Variants in DNAH8 observed in about 807,000 individuals in gnomAD.
The protein encoded by DNAH8 is dynein axonemal heavy chain 8.
Under a neutral mutation model 562.1 loss-of-function variants are expected in DNAH8, and 382 were observed. The observed-to-expected ratio is 0.68, with a 90% CI of 0.63 to 0.74. The LOEUF (loss-of-function observed/expected upper bound fraction) is 0.74, where lower values mean the gene tolerates loss of function less well. Among genes scored for constraint, DNAH8 ranks in the 30% least tolerant of loss-of-function variants. The pLI, the probability that DNAH8 is intolerant of heterozygous loss-of-function variation, is 0.00. For missense variants in DNAH8, 5,203 were observed against 5,620.4 expected, an observed-to-expected ratio of 0.93 and a Z score of 2.37; for synonymous variants, 1,881 against 1,919.4, an observed-to-expected ratio of 0.98 and a Z score of 0.52.
intron 42 of DNAH8, among the ~76,000 whole-genome samples, chr6:38,858,587 A>G (rs2150403131): frequency 6.6e-6 from 1 of 152,338 alleles, no homozygotes; most frequent in Non-Finnish European, 1.5e-5. Context: ...TGAAAAGAGC[A>G]GAATCTCCAG....
At chr6:38,743,309 G>A (rs982749468) in intron 8 of DNAH8, among the ~76,000 whole-genome samples, 2 of 152,038 alleles carry the variant, frequency 1.3e-5, no homozygotes, top group Admixed American at 1.3e-4. Flanking sequence ...TGCCCAAAAT[G>A]TTAATGTAGC....
intron 91 of DNAH8, among the ~76,000 whole-genome samples, chr6:39,020,777 T>C (rs1337045358): frequency 6.6e-6 from 1 of 152,172 alleles, no homozygotes; most frequent in Non-Finnish European, 1.5e-5. Flanking sequence ...TGTTTGGTTT[T>C]CTATTCCTGT....
intron 8 of DNAH8, among the ~76,000 whole-genome samples, chr6:38,746,454 T>C (rs1764936316): frequency 6.6e-6 from 1 of 152,206 alleles, no homozygotes; most frequent in South Asian, 2.1e-4. Flanking sequence ...GTTTATTTTA[T>C]TGGAGAGTAG....
chr6:38,827,133 C>T (rs1356580416), intron 29 of DNAH8, among the ~76,000 whole-genome samples: 1 of 152,046 alleles, frequency 6.6e-6, no homozygotes, highest in African/African-American at 2.4e-5. Context: ...ATCACTTCTA[C>T]CCCCATTTCT....
chr6:38,998,066 A>T (rs2150745577), intron 88 of DNAH8, among the ~76,000 whole-genome samples: 1 of 152,336 alleles, frequency 6.6e-6, no homozygotes, highest in Non-Finnish European at 1.5e-5. Flanking sequence ...CCATCACTTG[A>T]TGATAGGCTA....
chr6:38,902,527 GT>G (rs1399341632), intron 62 of DNAH8, among the ~76,000 whole-genome samples: 1 of 152,126 alleles, frequency 6.6e-6, no homozygotes, highest in African/African-American at 2.4e-5. Context: ...TCTTGCCCGT[GT>G]TTTCCCATCA....
At chr6:38,909,774 A>G (rs766611610) in intron 65 of DNAH8, 30 bp downstream of exon 65, 4 of 1,547,790 alleles carry the variant, frequency 2.6e-6, no homozygotes, top group Middle Eastern at 1.7e-4. Flanking sequence ...CACCATCGCT[A>G]TGGAACCACA....
chr6:38,921,169 ACC>A (rs1781675307), intron 70 of DNAH8, among the ~76,000 whole-genome samples, 198 bp from the exon 71 acceptor site: 1 of 152,182 alleles, frequency 6.6e-6, no homozygotes, highest in South Asian at 2.1e-4. Context: ...GGCATGAGCC[ACC>A]ACACCTGGCC....
chr6:38,913,978 G>A, intron 67 of DNAH8, 26 bp downstream of exon 67: 1 of 1,533,526 alleles, frequency 6.5e-7, no homozygotes, highest in Non-Finnish European at 9.0e-7. Context: ...TTTTATCACT[G>A]ATGAGGAATA....
Position 39,030,550 on chromosome 6 carries a change from TC to T in DNAH8, c.*160del. 1.7e-6 allele frequency: 1 copy of T among 595,264 alleles called. No homozygotes were observed. Among genetic ancestry groups the T allele is most frequent in the Non-Finnish European group, 2.9e-6 (1 of 342,750 alleles). The allele number at this position is 595,264 out of a possible 1,614,324, so 36.9% of individuals were successfully genotyped here. ...TAAAATTGCTAGTGCGTGTGTGTTT[TC>T]CTCACATATCAATATTCAAAAAGAT... On this transcript the variant is annotated 3_prime_UTR_variant, in exon 93 of 93. Transcript: ENST00000327475.
At chr6:38,877,208 G>A (rs773706213) in intron 53 of DNAH8, among the ~76,000 whole-genome samples, 14 of 152,142 alleles carry the variant, frequency 9.2e-5, no homozygotes, top group Non-Finnish European at 1.9e-4. Context: ...TTCATCAGCA[G>A]CAATTTTCCA....
chr6:39,018,224 G>A (rs1417332770), intron 91 of DNAH8, among the ~76,000 whole-genome samples: 2 of 152,154 alleles, frequency 1.3e-5, no homozygotes, highest in East Asian at 1.9e-4. Flanking sequence ...CACATCTCTT[G>A]TAATTCCAGT....
chr6:38,835,318 C>CAAAAA (rs35817690), intron 32 of DNAH8, among the ~76,000 whole-genome samples: 2 of 134,286 alleles, frequency 1.5e-5, no homozygotes, highest in Non-Finnish European at 1.6e-5. Flanking sequence ...TCTTAGTAAT[C>CAAAAA]AAAAAAAAAA....
intron 22 of DNAH8, among the ~76,000 whole-genome samples, chr6:38,804,989 AC>A (rs1771140651): frequency 6.6e-6 from 1 of 152,108 alleles, no homozygotes; most frequent in African/African-American, 2.4e-5. Context: ...TAAACATCCT[AC>A]AGGACAGCCC....
At chr6:38,885,996 A>G (rs1778890550) in intron 56 of DNAH8, among the ~76,000 whole-genome samples, 1 of 152,208 alleles carries the variant, frequency 6.6e-6, no homozygotes, top group Non-Finnish European at 1.5e-5. Context: ...TAATTGAAAG[A>G]CGGTTATATT....
intron 79 of DNAH8, among the ~76,000 whole-genome samples, chr6:38,943,135 A>G (rs921026070): frequency 6.6e-6 from 1 of 152,228 alleles, no homozygotes; most frequent in African/African-American, 2.4e-5. Context: ...GAGCCATCGA[A>G]TGTTTTATGA....
At chr6:38,814,942 G>A (rs991358240) in intron 25 of DNAH8, among the ~76,000 whole-genome samples, 5 of 152,118 alleles carry the variant, frequency 3.3e-5, no homozygotes, top group African/African-American at 7.2e-5. Context: ...TGCATTCTGC[G>A]ATGGGTCAAA....
chr6:39,018,792 G>A (rs972955573), intron 91 of DNAH8, among the ~76,000 whole-genome samples: 1 of 152,186 alleles, frequency 6.6e-6, no homozygotes, highest in African/African-American at 2.4e-5. Context: ...AGAGTAGTAA[G>A]TAAGTAGTGG....
In DNAH8 at chr6:38,838,029, T is replaced by C; in HGVS notation, c.4453T>C (p.Leu1485=). Residue 1485 remains leucine (L), a synonymous_variant, in exon 33 of 93, where the codon TTA becomes CTA. Coordinates refer to ENST00000327475, the MANE Select transcript of DNAH8 (RefSeq NM_001206927.2). The part of the protein sequence containing the change: ...FGLPVTDYEV[L]HKTRKELNLL... The stretch of plus-strand genomic sequence containing the variant: ...ATTGCCTGTGACTGATTATGAGGTT[T>C]TACACAAAACCAGGTAAGTTTAGAA... The C allele has an allele frequency of 1.2e-6, 2 of 1,608,502 alleles. No homozygotes were observed. The highest frequency in any genetic ancestry group is 1.7e-6 in the Non-Finnish European group (2 of 1,177,346).
Sources: gnomAD v4.1 joint callset for allele counts (sites outside exome capture counted in the v4.1 genomes callset) on GRCh38, gnomAD v4.1.1 for gene constraint, MANE v1.5 for transcripts, NCBI Gene and HGNC (gene_info 2026-07-23, HGNC 2026-07-21) for gene names.